The following GASK1A variants were observed in gnomAD, a reference collection of about 807,000 sequenced individuals.
GASK1A encodes the protein golgi associated kinase 1A.
Under a neutral mutation model 41.2 loss-of-function variants are expected in GASK1A, and 40 were observed. The ratio of observed to expected loss-of-function variants is 0.97; its 90% confidence interval spans 0.75 to 1.27. The LOEUF (loss-of-function observed/expected upper bound fraction) is 1.27. Among genes scored for constraint, GASK1A ranks in the 50% most tolerant of loss-of-function variants. The probability of loss-of-function intolerance (pLI) is 0.00; values close to 1 mark genes in which losing one functional copy is unlikely to be tolerated. For missense variants in GASK1A, 678 were observed against 745.1 expected, an observed-to-expected ratio of 0.91 and a Z score of 1.05; for synonymous variants, 316 against 307.1, an observed-to-expected ratio of 1.03 and a Z score of -0.30.
rs1167006536 is a variant in GASK1A, at chr3:43,055,775, G to A, written c.1517+240G>A. 4 of 518,720 alleles carry A rather than the reference G, an allele frequency of 7.7e-6. No homozygotes were observed. The East Asian group carries it at 1.1e-4, about 14-fold the overall frequency. The allele number at this position is 518,720 out of a possible 1,614,324, so 32.1% of individuals were successfully genotyped here. On this transcript the variant is annotated intron_variant, in intron 4 of 4. Transcript: ENST00000430121. ...CTGCAGAATACTAGCTGTATTGCTG[G>A]GGTGTGGGAAGGCTAGTCCTTCCCT... is the stretch of plus-strand genomic sequence containing the variant.
intron 1 of GASK1A, among the ~76,000 whole-genome samples, chr3:43,025,568 G>A (rs2089542910): frequency 6.6e-6 from 1 of 152,212 alleles, no homozygotes; most frequent in Admixed American, 6.5e-5. Flanking sequence ...GGCTTCAAGG[G>A]TGGTCTTTCC....
intron 1 of GASK1A, among the ~76,000 whole-genome samples, chr3:42,992,702 G>A (rs547810084): frequency 1.6e-4 from 25 of 152,154 alleles, no homozygotes; most frequent in Non-Finnish European, 3.4e-4. Flanking sequence ...GGAAAGGGAC[G>A]CCTAGTTCAA....
rs28602779 is a variant in GASK1A, at chr3:43,028,290, C to T, written c.4-3977C>T. Among the ~76,000 whole-genome samples the T allele has an allele frequency of 5.0e-3, 763 of 152,228 alleles. 3 individuals are homozygous for T. The highest frequency in any genetic ancestry group is 0.017 in the African/African-American group (704 of 41,512). On this transcript the variant is annotated intron_variant, in intron 1 of 4. Coordinates refer to ENST00000430121, the MANE Select transcript of GASK1A (RefSeq NM_001129908.3). ...TGGGCCTAAATTTCAAAAGGGAGGA[C>T]GGTATAATGAGGCATGTCTGGCTTC...
At chr3:42,998,748 T>G (rs1245510396) in intron 1 of GASK1A, among the ~76,000 whole-genome samples, 1 of 152,178 alleles carries the variant, frequency 6.6e-6, no homozygotes, top group Non-Finnish European at 1.5e-5. Context: ...CCGCTCCCTG[T>G]GACCTTAGGT....
intron 2 of GASK1A, among the ~76,000 whole-genome samples, chr3:43,046,975 T>C (rs963046976): frequency 6.6e-6 from 1 of 152,232 alleles, no homozygotes; most frequent in Non-Finnish European, 1.5e-5. Flanking sequence ...TTTCAGAGGA[T>C]GTATGGAAAC....
chr3:42,993,763 G>A (rs2089354629), intron 1 of GASK1A, among the ~76,000 whole-genome samples: 1 of 152,182 alleles, frequency 6.6e-6, no homozygotes, highest in Non-Finnish European at 1.5e-5. Context: ...AAAACCTGAT[G>A]TGTGCCAGGC....
At chr3:42,988,011 G>C (rs1299673803) in intron 1 of GASK1A, among the ~76,000 whole-genome samples, 1 of 25,110 alleles carries the variant, frequency 4.0e-5, no homozygotes, top group Non-Finnish European at 1.2e-4. Context: ...AAAAAAAAAG[G>C]GATGGGGGTA....
chr3:43,037,079 G>A, intron 2 of GASK1A: 1 of 612,442 alleles, frequency 1.6e-6, no homozygotes, highest in Non-Finnish European at 2.9e-6. Flanking sequence ...TCACTCTTGG[G>A]TGCTGACCCT....
At chr3:43,053,943 A>C (rs1362073322) in intron 3 of GASK1A, 9 of 450,336 alleles carry the variant, frequency 2.0e-5, no homozygotes, top group Non-Finnish European at 3.7e-5. Flanking sequence ...CTGGAAGTAG[A>C]GTTTGAGAAT....
In GASK1A at chr3:43,049,457, A is replaced by G. The variant is rs76832833; in HGVS notation, c.1291-4064A>G. ...AAAGAAGAAAAATTGAATATTGGTT[A>G]CCCAAAGTTCAGGAGGCCAAAGCAG... is the stretch of plus-strand genomic sequence containing the variant. On this transcript the variant is annotated intron_variant, in intron 2 of 4. Transcript: ENST00000430121. 7.1e-4 allele frequency among the ~76,000 whole-genome samples: 108 copies of G among 152,304 alleles called. 2 individuals are homozygous for G. In the East Asian group the frequency reaches 0.019, roughly 27 times the overall value.
chr3:43,056,193 T>A lies in GASK1A; in HGVS notation c.1535T>A (p.Val512Glu). 1 of 1,551,208 alleles carries A rather than the reference T, an allele frequency of 6.4e-7. No homozygotes were observed. Residue 512 changes from valine to glutamate, a missense_variant, in exon 5 of 5, where the codon GTG becomes GAG. Transcript: ENST00000430121. The part of the protein sequence containing the change: ...EGIDGFPESA[V>E]KVLASGCLQN... ...TGCTCCAGGTTTCCTGAGTCTGCCG[T>A]GAAGGTTCTCGCATCAGGGTGTCTA... is the stretch of plus-strand genomic sequence containing the variant.
intron 1 of GASK1A, among the ~76,000 whole-genome samples, chr3:43,030,314 GCT>G (rs2089568291): frequency 6.6e-6 from 1 of 152,212 alleles, no homozygotes; most frequent in Non-Finnish European, 1.5e-5. Context: ...GCCAGGAAAT[GCT>G]CTTTTAATTG....
chr3:43,040,739 TTTA>T (rs2089631951), intron 2 of GASK1A, among the ~76,000 whole-genome samples: 1 of 151,828 alleles, frequency 6.6e-6, no homozygotes, highest in South Asian at 2.1e-4. Context: ...TTTATTATTT[TTTA>T]TTATTATACT....
chr3:42,986,158 T>C (rs2089308333), intron 1 of GASK1A, among the ~76,000 whole-genome samples: 1 of 152,144 alleles, frequency 6.6e-6, no homozygotes, highest in Non-Finnish European at 1.5e-5. Context: ...AAAAGAACCA[T>C]AGATCCATGC....
intron 2 of GASK1A, among the ~76,000 whole-genome samples, chr3:43,046,009 A>G (rs188306756): frequency 3.9e-5 from 6 of 152,324 alleles, no homozygotes; most frequent in Admixed American, 3.9e-4. Flanking sequence ...TGAATTCCTC[A>G]GTCTTGGGCA....
intron 1 of GASK1A, among the ~76,000 whole-genome samples, chr3:42,995,006 A>G (rs1409899894): frequency 1.3e-5 from 2 of 152,210 alleles, no homozygotes; most frequent in Non-Finnish European, 2.9e-5. Context: ...CAGGAATGGA[A>G]ACCTTTAAAT....
rs1329284553 is a variant in GASK1A at position 43,039,205 on chromosome 3, G to GTTT, written c.1290+5665_1290+5667dup. Among the ~76,000 whole-genome samples the GTTT allele has an allele frequency of 2.2e-4, 28 of 125,742 alleles. 1 individual carries two copies. The highest frequency in any genetic ancestry group is 7.4e-4 in the South Asian group (3 of 4,054). The allele number at this position is 125,742 out of a possible 152,430, so 82.5% of individuals were successfully genotyped here. On this transcript the variant is annotated intron_variant, in intron 2 of 4. Coordinates refer to ENST00000430121, the MANE Select transcript of GASK1A (RefSeq NM_001129908.3). ...TGCCACCAGGTAGTTTTTTTTTTTGGTTTTTTTTTTTTTTTGAGATGGAGT... is the reference window on the plus strand; with the variant it reads ...TGCCACCAGGTAGTTTTTTTTTTTGGTTTTTTTTTTTTTTTTTTGAGATGGAGT...
chr3:42,987,155 A>C (rs2125672644), intron 1 of GASK1A, among the ~76,000 whole-genome samples: 1 of 152,398 alleles, frequency 6.6e-6, no homozygotes, highest in African/African-American at 2.4e-5. Context: ...ATGAGAGCAC[A>C]CCTGAACAAA....
At chr3:43,045,787 G>T (rs1361042076) in intron 2 of GASK1A, among the ~76,000 whole-genome samples, 2 of 152,192 alleles carry the variant, frequency 1.3e-5, no homozygotes, top group African/African-American at 4.8e-5. Flanking sequence ...AATCATGGGG[G>T]TTGGTTTCCT....
Sources: gnomAD v4.1 joint callset for allele counts (sites outside exome capture counted in the v4.1 genomes callset) on GRCh38, gnomAD v4.1.1 for gene constraint, MANE v1.5 for transcripts, NCBI Gene and HGNC (gene_info 2026-07-23, HGNC 2026-07-21) for gene names.